SPATA7: variants seen among roughly 807,000 people sequenced by gnomAD.
SPATA7 encodes spermatogenesis-associated protein 7.
A neutral mutation model predicts 51.8 loss-of-function variants in SPATA7; 43 were observed. The observed-to-expected ratio is 0.83, with a 90% CI of 0.65 to 1.07. The LOEUF (loss-of-function observed/expected upper bound fraction) is 1.07, where lower values mean the gene tolerates loss of function less well. SPATA7 is among the 50% of genes least tolerant of loss of function. The pLI is 0.00. For missense variants in SPATA7, 683 were observed against 701.3 expected (o/e 0.97, Z 0.30); for synonymous variants, 230 against 252.8 (o/e 0.91, Z 0.86).
Position 88,437,818 on chromosome 14 carries a change from T to G in SPATA7, c.1216-20T>G, listed in dbSNP as rs758562273. 1.7e-5 allele frequency: 26 copies of G among 1,575,346 alleles called. No homozygotes were observed. The highest frequency in any genetic ancestry group is 1.7e-4 in the Middle Eastern group (1 of 5,846). On this transcript the variant is annotated intron_variant, in intron 11 of 11. Transcript: ENST00000393545. ...TTTGACTCAATTAATGTAATTAGTC[T>G]CATCTTTTCTTAATCCTAGGAAAAA...
At chr14:88,411,064 C>T (rs1360289910) in intron 4 of SPATA7, among the ~76,000 whole-genome samples, 2 of 152,178 alleles carry the variant, frequency 1.3e-5, no homozygotes, top group African/African-American at 4.8e-5. Context: ...TCAGAGATGC[C>T]CTGCCCAGAG....
At chr14:88,393,125 A>C (rs1309270895) in intron 2 of SPATA7, among the ~76,000 whole-genome samples, 2 of 152,138 alleles carry the variant, frequency 1.3e-5, no homozygotes, top group Admixed American at 6.5e-5. Flanking sequence ...AGTTCTGTAA[A>C]TGTAATGACA....
At chr14:88,463,851 GTTTTGT>G (rs1472148777) in intron 4 of SPATA7, among the ~76,000 whole-genome samples, 2 of 122,766 alleles carry the variant, frequency 1.6e-5, no homozygotes, top group African/African-American at 7.9e-5. Context: ...TTCTGTTTTT[GTTTTGT>G]TTTTTTTTGA....
chr14:88,398,744 C>T (rs564341386), intron 4 of SPATA7, among the ~76,000 whole-genome samples: 1 of 152,234 alleles, frequency 6.6e-6, no homozygotes, highest in South Asian at 2.1e-4. Context: ...AGTTTGAGAA[C>T]ATTTCTACAT....
In SPATA7 at chr14:88,385,728, T is replaced by C. The variant is rs1035109575; in HGVS notation, c.-91T>C. The C allele has an allele frequency of 1.5e-5, 20 of 1,316,802 alleles. No individual in the cohort carries two copies. The African/African-American group carries it at 2.4e-4, about 16-fold the overall frequency. The allele number at this position is 1,316,802 out of a possible 1,614,324, so 81.6% of individuals were successfully genotyped here. On this transcript the variant is annotated 5_prime_UTR_variant, in exon 1 of 12. Transcript: ENST00000393545. ...CTGCAGCCCCCGTCGGCTCCTCTTT[T>C]CCAGTCCTCCACTGCCGGGGCTGGG...
chr14:88,399,992 A>G (rs748484930), intron 4 of SPATA7, among the ~76,000 whole-genome samples: 1 of 152,192 alleles, frequency 6.6e-6, no homozygotes, highest in Admixed American at 6.5e-5. Flanking sequence ...AATTTAACAG[A>G]TATATACAGA....
chr14:88,400,664 C>T (rs1056689109), intron 4 of SPATA7, among the ~76,000 whole-genome samples: 1 of 151,992 alleles, frequency 6.6e-6, no homozygotes, highest in Admixed American at 6.6e-5. Context: ...GAAACCCCGA[C>T]TCTACTAAAA....
chr14:88,415,036 T>C (rs551238333), intron 4 of SPATA7, among the ~76,000 whole-genome samples: 2 of 152,264 alleles, frequency 1.3e-5, no homozygotes, highest in East Asian at 3.9e-4. Flanking sequence ...TCTGTGGTTG[T>C]TGGGTGGAGT....
intron 5 of SPATA7, among the ~76,000 whole-genome samples, chr14:88,420,733 C>T (rs2076617766): frequency 6.6e-6 from 1 of 152,084 alleles, no homozygotes; most frequent in Non-Finnish European, 1.5e-5. Flanking sequence ...GATGCAAACC[C>T]CAGACACCAT....
chr14:88,421,947 CAAA>C (rs767269848), intron 5 of SPATA7, among the ~76,000 whole-genome samples: 6 of 77,014 alleles, frequency 7.8e-5, no homozygotes, highest in Admixed American at 3.0e-4. Flanking sequence ...GACTCCATCT[CAAA>C]AAAAAAAAAA....
At chr14:88,468,528 AT>A (rs994037348) in intron 4 of SPATA7, among the ~76,000 whole-genome samples, 1 of 152,196 alleles carries the variant, frequency 6.6e-6, no homozygotes, top group Non-Finnish European at 1.5e-5. Flanking sequence ...CATAATTACC[AT>A]GTCTCACTAA....
intron 4 of SPATA7, among the ~76,000 whole-genome samples, chr14:88,411,497 G>A (rs539142826): frequency 1.1e-4 from 17 of 152,152 alleles, no homozygotes; most frequent in Admixed American, 9.2e-4. Context: ...GGCCTTGGTG[G>A]TGTAGGCACC....
chr14:88,431,193 G>A lies in SPATA7; in HGVS notation c.1050G>A (p.Leu350=). ...SSPRAMCQYS[L]KPPSTRKIYS... ...CTAGGGCAATGTGTCAGTATTCCCT[G>A]AAGCCCCCTTCAACTCGTAAAATCT... Residue 350 remains leucine, a synonymous_variant, in exon 9 of 12, where the codon CTG becomes CTA. Transcript: ENST00000393545. 6.2e-7 allele frequency: 1 copy of A among 1,613,676 alleles called. No homozygotes were observed. The highest frequency in any genetic ancestry group is 1.3e-5 in the African/African-American group (1 of 75,002).
intron 3 of SPATA7, among the ~76,000 whole-genome samples, chr14:88,448,620 C>T (rs1442118020): frequency 6.6e-6 from 1 of 152,110 alleles, no homozygotes; most frequent in Non-Finnish European, 1.5e-5. Context: ...GTGGTTTTAT[C>T]TACTTTTGGT....
chr14:88,461,800 C>T (rs150715263), intron 4 of SPATA7, among the ~76,000 whole-genome samples: 1,932 of 152,288 alleles, frequency 0.013, 36 homozygotes, highest in African/African-American at 0.044. Context: ...CTGCGTCACT[C>T]GCGCTGGGAG....
rs2077122465 is a variant in SPATA7, at chr14:88,437,557, T to A, written c.1175T>A (p.Leu392Gln). 6.2e-7 allele frequency: 1 copy of A among 1,610,834 alleles called. No homozygotes were observed. Among genetic ancestry groups the A allele is most frequent in the South Asian group, 1.1e-5 (1 of 90,444 alleles). The part of the protein sequence containing the change: ...GLFSNRFLER[L>Q]FERHIKQNKH... ...ATCATTTGTAGGTTTTTAGAACGACTGTTCGAGCGACATATAAAACAAAAT... is the reference window on the plus strand; with the variant it reads ...ATCATTTGTAGGTTTTTAGAACGACAGTTCGAGCGACATATAAAACAAAAT... Residue 392 changes from leucine (L) to glutamine (Q), a missense_variant, in exon 11 of 12, where the codon CTG becomes CAG. Leu to Gln is a moderately radical substitution (Grantham distance 113, BLOSUM62 -2). Coordinates refer to ENST00000393545, the MANE Select transcript of SPATA7 (RefSeq NM_018418.5).
chr14:88,412,274 G>A (rs2139945510), intron 4 of SPATA7, among the ~76,000 whole-genome samples: 1 of 149,702 alleles, frequency 6.7e-6, no homozygotes, highest in Admixed American at 6.6e-5. Flanking sequence ...GGGTTCTCTA[G>A]AGGGACAGAA....
chr14:88,423,548 TA>T (rs879530968), intron 5 of SPATA7, among the ~76,000 whole-genome samples: 117 of 144,004 alleles, frequency 8.1e-4, no homozygotes, highest in South Asian at 1.1e-3. Flanking sequence ...AAAGTAAGAT[TA>T]AAAAAAAAAA....
chr14:88,441,200 G>A (rs924935846), downstream of SPATA7, among the ~76,000 whole-genome samples: 4 of 150,914 alleles, frequency 2.7e-5, no homozygotes, highest in African/African-American at 7.4e-5. Flanking sequence ...GTGTGTGTGT[G>A]TGTGTATATA....
Sources: gnomAD v4.1 joint callset for allele counts (sites outside exome capture counted in the v4.1 genomes callset) on GRCh38, gnomAD v4.1.1 for gene constraint, MANE v1.5 for transcripts, NCBI Gene and HGNC (gene_info 2026-07-23, HGNC 2026-07-21) for gene names.